The following SPATA17 variants were observed in gnomAD, a reference collection of about 807,000 sequenced individuals.
SPATA17 encodes spermatogenesis associated 17, also known as spermatogenesis-associated protein 17.
In SPATA17, 53 loss-of-function variants were observed where a neutral mutation model predicts 62.2. The ratio of observed to expected loss-of-function variants is 0.85; its 90% confidence interval spans 0.68 to 1.07. The LOEUF (loss-of-function observed/expected upper bound fraction) is 1.07, where lower values mean the gene tolerates loss of function less well. SPATA17 is among the 50% of genes least tolerant of loss of function. SPATA17 has a pLI of 0.00. For synonymous variants in SPATA17, 146 were observed against 146.8 expected, an observed-to-expected ratio of 0.99 and a Z score of 0.04; for missense variants, 466 against 425.5, an observed-to-expected ratio of 1.10 and a Z score of -0.84.
intron 5 of SPATA17, among the ~76,000 whole-genome samples, chr1:217,732,049 C>T (rs557764682): frequency 6.6e-6 from 1 of 150,920 alleles, no homozygotes; most frequent in African/African-American, 2.4e-5. Context: ...TTGGAGTTGA[C>T]AATGAAAAGA....
At chr1:217,856,419 G>C (rs1675786589) in intron 9 of SPATA17, among the ~76,000 whole-genome samples, 1 of 152,150 alleles carries the variant, frequency 6.6e-6, no homozygotes, top group Non-Finnish European at 1.5e-5. Flanking sequence ...GATAAACCTG[G>C]ATTTCAAACT....
chr1:217,759,487 C>A (rs1673122428), intron 6 of SPATA17, among the ~76,000 whole-genome samples: 1 of 151,822 alleles, frequency 6.6e-6, no homozygotes. Flanking sequence ...TAGATGAGTA[C>A]CACATTGAAA....
intron 7 of SPATA17, among the ~76,000 whole-genome samples, chr1:217,778,304 C>T (rs566625089): frequency 1.1e-4 from 17 of 152,040 alleles, no homozygotes; most frequent in African/African-American, 3.4e-4. Flanking sequence ...GGATCACCTA[C>T]GAGGTCAGGA....
In SPATA17 at chr1:217,669,072, A is replaced by T. The variant is rs143674925; in HGVS notation, c.280A>T (p.Met94Leu). The change falls in exon 4 of 11, where the codon ATG becomes TTG. Residue 94 changes from methionine to leucine, a missense_variant. Coordinates refer to ENST00000366933, the MANE Select transcript of SPATA17 (RefSeq NM_138796.4). The part of the protein sequence containing the change: ...YTMMMNLYNA[M>L]AVRIQRRWRG... ...TATGATGATGAATCTCTACAATGCA[A>T]TGGCTGTCAGGGTAAATATTTCTTC... 1 of 1,610,800 alleles carries T rather than the reference A, an allele frequency of 6.2e-7. No individual in the cohort carries two copies. Among genetic ancestry groups the T allele is most frequent in the East Asian group, 2.2e-5 (1 of 44,716 alleles).
chr1:217,762,676 A>G (rs1225594359), intron 6 of SPATA17, among the ~76,000 whole-genome samples: 5 of 152,196 alleles, frequency 3.3e-5, no homozygotes, highest in Admixed American at 1.3e-4. Context: ...GCTTTAAAAA[A>G]CAAAACTAAA....
chr1:217,686,148 A>G (rs1671210383), intron 5 of SPATA17, among the ~76,000 whole-genome samples: 1 of 152,082 alleles, frequency 6.6e-6, no homozygotes, highest in South Asian at 2.1e-4. Flanking sequence ...GTCAGATCCT[A>G]GTGTCAGATT....
intron 9 of SPATA17, among the ~76,000 whole-genome samples, chr1:217,815,195 G>A (rs533132493): frequency 1.4e-4 from 22 of 152,212 alleles, no homozygotes; most frequent in Admixed American, 2.0e-4. Context: ...GGTTTTACTA[G>A]AATAAGGGGA....
intron 6 of SPATA17, among the ~76,000 whole-genome samples, chr1:217,769,720 A>C (rs1232391652): frequency 1.3e-5 from 2 of 152,238 alleles, no homozygotes; most frequent in Non-Finnish European, 2.9e-5. Context: ...TTCTTTATAT[A>C]GATAAGTTCT....
intron 9 of SPATA17, among the ~76,000 whole-genome samples, chr1:217,802,567 C>T (rs896571259): frequency 2.6e-5 from 4 of 152,120 alleles, no homozygotes; most frequent in African/African-American, 9.7e-5. Flanking sequence ...CATATGACCT[C>T]TTCTCTCTGG....
At chr1:217,675,106 G>T (rs930040534) in intron 4 of SPATA17, among the ~76,000 whole-genome samples, 10 of 152,068 alleles carry the variant, frequency 6.6e-5, no homozygotes, top group Admixed American at 6.5e-4. Context: ...CCTTCTATCT[G>T]CCAAGGCATT....
At chr1:217,757,766 G>A (rs1053223575) in intron 6 of SPATA17, among the ~76,000 whole-genome samples, 13 of 152,142 alleles carry the variant, frequency 8.5e-5, no homozygotes, top group Non-Finnish European at 1.0e-4. Flanking sequence ...CATGGACCCC[G>A]AAAAGGTGAA....
intron 5 of SPATA17, among the ~76,000 whole-genome samples, chr1:217,686,289 T>C (rs1671213098): frequency 6.6e-6 from 1 of 152,168 alleles, no homozygotes; most frequent in South Asian, 2.1e-4. Flanking sequence ...ATCATTAACA[T>C]TTCCAAACCT....
At chr1:217,693,223 A>G (rs1221973603) in intron 5 of SPATA17, among the ~76,000 whole-genome samples, 1 of 148,794 alleles carries the variant, frequency 6.7e-6, no homozygotes, top group East Asian at 2.0e-4. Flanking sequence ...GTCTTGGGAG[A>G]GTGTATGTGT....
intron 8 of SPATA17, among the ~76,000 whole-genome samples, chr1:217,786,751 T>TTCTTCTTCTTCC (rs1269269056): frequency 0.024 from 299 of 12,640 alleles, 4 homozygotes; most frequent in African/African-American, 0.081. Flanking sequence ...GATATTCTCT[T>TTCTTCTTCTTCC]TCTTCTTCTT....
chr1:217,836,276 C>T (rs1277388900), intron 9 of SPATA17, among the ~76,000 whole-genome samples: 1 of 152,132 alleles, frequency 6.6e-6, no homozygotes, highest in Admixed American at 6.6e-5. Context: ...GTTGCAGATA[C>T]TCTACTTGGA....
intron 5 of SPATA17, among the ~76,000 whole-genome samples, chr1:217,705,468 G>C (rs1020762229): frequency 4.7e-5 from 5 of 105,616 alleles, no homozygotes; most frequent in African/African-American, 1.9e-4. Flanking sequence ...TGGAGATGGA[G>C]TCTCGCTCCA....
chr1:217,729,154 T>C (rs1228774383), intron 5 of SPATA17, among the ~76,000 whole-genome samples: 1 of 152,254 alleles, frequency 6.6e-6, no homozygotes, highest in Non-Finnish European at 1.5e-5. Flanking sequence ...ATTATTTCTC[T>C]ATCTGCAGTA....
At chr1:217,789,678 G>T (rs372932267) in intron 8 of SPATA17, among the ~76,000 whole-genome samples, 4 of 152,266 alleles carry the variant, frequency 2.6e-5, no homozygotes, top group Admixed American at 6.5e-5. Flanking sequence ...GCTTACAGAT[G>T]GTAGGTAGAT....
chr1:217,700,762 C>CTTTTTTT lies in SPATA17; in HGVS notation c.395+17410_395+17416dup, dbSNP rs71556698. Among the ~76,000 whole-genome samples the CTTTTTTT allele has an allele frequency of 1.0e-4, 14 of 134,790 alleles. 1 individual carries two copies. Among genetic ancestry groups the CTTTTTTT allele is most frequent in the East Asian group, 2.2e-4 (1 of 4,644 alleles). The allele number at this position is 134,790 out of a possible 152,430, so 88.4% of individuals were successfully genotyped here. A position where few individuals can be genotyped will look rare whatever the true frequency, so the allele number is the denominator to read the frequency against. ...CCGCCATGGCTAATTTTTTCTTTTTCTTTTTTTTTTTTTTTGTATTTTTAG... is the reference window on the plus strand; with the variant it reads ...CCGCCATGGCTAATTTTTTCTTTTTCTTTTTTTTTTTTTTTTTTTTTTGTATTTTTAG... On this transcript the variant is annotated intron_variant, in intron 5 of 10. Transcript: ENST00000366933.
Sources: gnomAD v4.1 joint callset for allele counts (sites outside exome capture counted in the v4.1 genomes callset) on GRCh38, gnomAD v4.1.1 for gene constraint, MANE v1.5 for transcripts, NCBI Gene and HGNC (gene_info 2026-07-23, HGNC 2026-07-21) for gene names.